The following POLQ variants were observed in gnomAD, a reference collection of about 807,000 sequenced individuals.
The protein encoded by POLQ is DNA polymerase theta.
A neutral mutation model predicts 259.2 loss-of-function variants in POLQ; 233 were observed. The ratio of observed to expected loss-of-function variants is 0.90; its 90% CI spans 0.81 to 1.00. POLQ has a LOEUF of 1.00. Among genes scored for constraint, POLQ ranks in the 50% least tolerant of loss-of-function variants. The pLI is 0.00. For missense variants in POLQ, 2,871 were observed against 3,051.6 expected, an observed-to-expected ratio of 0.94 and a Z score of 1.39; for synonymous variants, 1,025 against 1,048.8, an observed-to-expected ratio of 0.98 and a Z score of 0.44.
chr3:121,526,805 A>AT (rs1377768785), intron 7 of POLQ, among the ~76,000 whole-genome samples: 2 of 151,868 alleles, frequency 1.3e-5, no homozygotes, highest in Admixed American at 1.3e-4. Context: ...TATGGACTTC[A>AT]TTTTTTCTCA....
intron 5 of POLQ, among the ~76,000 whole-genome samples, chr3:121,534,231 C>A (rs185717450): frequency 9.9e-5 from 15 of 151,928 alleles, no homozygotes; most frequent in Non-Finnish European, 1.5e-4. Context: ...TTGTGTTTTT[C>A]TTATTCATTT....
Position 121,510,233 on chromosome 3 carries a change from C to G in POLQ, c.1622G>C (p.Gly541Ala). 1 of 1,609,922 alleles carries G rather than the reference C, an allele frequency of 6.2e-7. No individual in the cohort carries two copies. Among genetic ancestry groups the G allele is most frequent in the South Asian group, 1.1e-5 (1 of 90,836 alleles). Residue 541 changes from glycine to alanine, a missense_variant, in exon 11 of 30, where the codon GGT becomes GCT. This residue lies in a region of POLQ where 783 missense variants were observed against 906.2 expected (regional missense o/e 0.86). Coordinates refer to ENST00000264233, the MANE Select transcript of POLQ (RefSeq NM_199420.4). Reference protein sequence around the residue: ...MIRAILEIIVGGVASTSQDMH... With the variant: ...MIRAILEIIVAGVASTSQDMH... ...ATCTTGTGATGTACTTGCCACTCCA[C>G]CAACTATTATCTGAAAGAAGATATT...
chr3:121,487,841 G>A lies in POLQ; in HGVS notation c.5090C>T (p.Ser1697Phe), dbSNP rs2048026406. 2.5e-6 allele frequency: 4 copies of A among 1,610,144 alleles called. No homozygotes were observed. The highest frequency in any genetic ancestry group is 1.3e-5 in the African/African-American group (1 of 74,766). Residue 1697 changes from serine to phenylalanine, a missense_variant, in exon 16 of 30, where the codon TCT (serine) becomes TTT (phenylalanine). Transcript: ENST00000264233. ...AATCTTGCTTTTTACTTCATTATTA[G>A]AAGAAAATGAAATTCCCTGCACTTG... is the stretch of plus-strand genomic sequence containing the variant. ...TKQVQGISFS[S>F]NNEVKSKIEM...
At chr3:121,534,606 C>A (rs947673776) in intron 5 of POLQ, among the ~76,000 whole-genome samples, 5 of 152,204 alleles carry the variant, frequency 3.3e-5, no homozygotes, top group Non-Finnish European at 5.9e-5. Flanking sequence ...CAGGCATGAG[C>A]CACCATGCTT....
At position 121,489,665 on chromosome 3, in the gene POLQ, G is replaced by A. The variant is rs770051055; in HGVS notation, c.3266C>T (p.Thr1089Met). The change falls in exon 16 of 30, where the codon ACG becomes ATG. Residue 1089 changes from threonine to methionine, a missense_variant. Physicochemically the swap from Thr to Met is moderately conservative, Grantham distance 81. Coordinates refer to ENST00000264233, the MANE Select transcript of POLQ (RefSeq NM_199420.4). The stretch of plus-strand genomic sequence containing the variant: ...AAATGGCCCTGAATTTCTAAATTCC[G>A]TTTTCTTCTCATCTAAGGTAAACGG... ...EDPFTLDEKK[T>M]EFRNSGPFAK... 3.3e-5 allele frequency: 54 copies of A among 1,613,740 alleles called. No homozygotes were observed. The highest frequency in any genetic ancestry group is 1.6e-4 in the Middle Eastern group (1 of 6,084).
chr3:121,492,518 T>C (rs576965464), intron 15 of POLQ, among the ~76,000 whole-genome samples: 1 of 152,300 alleles, frequency 6.6e-6, no homozygotes, highest in Admixed American at 6.5e-5. Flanking sequence ...TTGCCTAAAG[T>C]GTAAGATGAG....
chr3:121,533,253 C>G, intron 5 of POLQ, 44 bp from the exon 6 acceptor site: 1 of 1,243,596 alleles, frequency 8.0e-7, no homozygotes, highest in Non-Finnish European at 1.1e-6. Context: ...ATATATAATA[C>G]ATTAATAATT....
At position 121,488,971 on chromosome 3, in the gene POLQ, A is replaced by AT. The variant is rs1446841577; in HGVS notation, c.3959dup (p.Asp1320GlufsTer2). The AT allele has an allele frequency of 1.1e-5, 18 of 1,613,654 alleles. No individual in the cohort carries two copies. The African/African-American group carries it at 1.9e-4, about 17-fold the overall frequency. On this transcript the variant is annotated frameshift_variant, in exon 16 of 30. Transcript: ENST00000264233. LOFTEE classifies it high-confidence loss of function. Reference sequence around the variant, plus strand: ...CTGACTGAGTATCCAGATAGAAACTATCTTCAAAATCACAGAGGACTAAAC... The same window carrying AT: ...CTGACTGAGTATCCAGATAGAAACTATTCTTCAAAATCACAGAGGACTAAAC...
intron 9 of POLQ, among the ~76,000 whole-genome samples, chr3:121,515,840 G>T (rs2048290767): frequency 1.3e-5 from 2 of 152,042 alleles, no homozygotes; most frequent in South Asian, 4.1e-4. Flanking sequence ...CTAAAGAAAT[G>T]AAGATCTGTG....
rs988053765 is a variant in POLQ, at chr3:121,533,321, T to G, written c.741-112A>C. ...TTGGTACACACATGCATACATTTCT[T>G]TAGGATATATACCTAAGAATAAAAT... On this transcript the variant is annotated intron_variant, in intron 5 of 29. Coordinates refer to ENST00000264233, the MANE Select transcript of POLQ (RefSeq NM_199420.4). 6 of 570,414 alleles carry G rather than the reference T, an allele frequency of 1.1e-5. No individual in the cohort carries two copies. The Admixed American group carries it at 2.0e-4, about 19-fold the overall frequency. 35.3% of individuals were successfully genotyped at this position (570,414 alleles called of 1,614,324 possible). A position where few individuals can be genotyped will look rare whatever the true frequency, so the allele number is the denominator to read the frequency against.
chr3:121,447,174 T>TTG (rs2047638807), intron 26 of POLQ, among the ~76,000 whole-genome samples: 1 of 149,440 alleles, frequency 6.7e-6, no homozygotes, highest in East Asian at 1.9e-4. Context: ...TATAACCCTT[T>TTG]TTTTTTTTTT....
chr3:121,486,173 T>A (rs1037515788), intron 16 of POLQ, among the ~76,000 whole-genome samples: 26 of 152,242 alleles, frequency 1.7e-4, no homozygotes, highest in Admixed American at 9.2e-4. Context: ...ATGTAGCTAA[T>A]GTACACTGTG....
At chr3:121,516,728 A>G (rs1484713596) in intron 9 of POLQ, among the ~76,000 whole-genome samples, 1 of 152,256 alleles carries the variant, frequency 6.6e-6, no homozygotes, top group Non-Finnish European at 1.5e-5. Flanking sequence ...TGTGCTGTCC[A>G]GGAATATAAA....
intron 1 of POLQ, among the ~76,000 whole-genome samples, chr3:121,545,458 A>T (rs1169296629): frequency 6.6e-6 from 1 of 152,188 alleles, no homozygotes. Context: ...GATGGGATGA[A>T]GCTAACTAGG....
rs746196714 is a variant in POLQ, at chr3:121,489,885, C to T, written c.3046G>A (p.Val1016Ile). Residue 1016 changes from valine to isoleucine, a missense_variant, in exon 16 of 30, where the codon GTT becomes ATT. Physicochemically the swap from Val to Ile is conservative, Grantham distance 29. This residue lies in a region of POLQ where 2,080 missense variants were observed against 2,126.0 expected (regional missense o/e 0.98). Coordinates refer to ENST00000264233, the MANE Select transcript of POLQ (RefSeq NM_199420.4). The part of the protein sequence containing the change: ...NEGKTSDKKV[V>I]QTFSQKTKKA... ...TTTGTTTTCTGTGAAAAAGTCTGAA[C>T]AACTTTCTTATCACTTGTTTTCCCC... is the stretch of plus-strand genomic sequence containing the variant. 3 of 1,603,534 alleles carry T rather than the reference C, an allele frequency of 1.9e-6. No homozygotes were observed. Among genetic ancestry groups the T allele is most frequent in the South Asian group, 2.3e-5 (2 of 88,358 alleles).
At chr3:121,537,569 T>C (rs1213006928) in intron 4 of POLQ, among the ~76,000 whole-genome samples, 1 of 152,200 alleles carries the variant, frequency 6.6e-6, no homozygotes, top group Non-Finnish European at 1.5e-5. Context: ...TGTTCCTGCA[T>C]TAATTGGCTT....
At chr3:121,531,432 C>T (rs2048411242) in intron 6 of POLQ, among the ~76,000 whole-genome samples, 2 of 151,980 alleles carry the variant, frequency 1.3e-5, no homozygotes, top group African/African-American at 2.4e-5. Flanking sequence ...ACAGCAGAGG[C>T]CAGTGTGAAG....
In POLQ at chr3:121,509,563, G is replaced by A. The variant is rs1032048963; in HGVS notation, c.1957C>T (p.Leu653=). 1.2e-6 allele frequency: 2 copies of A among 1,609,306 alleles called. No individual in the cohort carries two copies. Among genetic ancestry groups the A allele is most frequent in the Non-Finnish European group, 1.7e-6 (2 of 1,177,896 alleles). ...VLENDLHILY[L]VTPMFEDWTT... is the part of the protein sequence containing the mutation. ...ATAATTGTTAAAACAGAACTTACCA[G>A]ATAGAGAATATGAAGATCATTCTCT... Residue 653 remains leucine, a splice_region_variant and synonymous_variant, in exon 12 of 30, where the codon CTG becomes TTG. Transcript: ENST00000264233.
chr3:121,511,276 TAGTCCCAGCTACTCAGGAGGCTG>T (rs1478143582), intron 10 of POLQ, among the ~76,000 whole-genome samples: 1 of 146,598 alleles, frequency 6.8e-6, no homozygotes, highest in African/African-American at 2.5e-5. Flanking sequence ...CAGGCACCTG[TAGTCCCAGCTACTCAGGAGGCTG>T]AGGCACGAGA....
Sources: allele counts gnomAD v4.1 joint callset (sites outside exome capture counted in the v4.1 genomes callset), GRCh38; gene constraint gnomAD v4.1.1; regional missense constraint gnomAD v4.1.1; transcripts MANE v1.5; gene names NCBI Gene and HGNC (gene_info 2026-07-23, HGNC 2026-07-21).